The following FTO variants were observed in gnomAD, a reference collection of about 807,000 sequenced individuals.
FTO encodes the protein FTO alpha-ketoglutarate dependent dioxygenase.
Under a neutral mutation model 63.9 loss-of-function variants are expected in FTO, and 47 were observed. The ratio of observed to expected loss-of-function variants is 0.74; its 90% CI spans 0.58 to 0.94. The LOEUF (loss-of-function observed/expected upper bound fraction) is 0.94, where lower values mean the gene tolerates loss of function less well. Ranked by LOEUF, FTO falls within the 40% of genes least tolerant of loss-of-function variation. The pLI is 0.00. For missense variants in FTO, 562 were observed against 618.1 expected (o/e 0.91, Z 0.96); for synonymous variants, 207 against 224.4 (o/e 0.92, Z 0.69).
At chr16:53,780,636 C>T (rs1399757061) in intron 1 of FTO, among the ~76,000 whole-genome samples, 1 of 152,062 alleles carries the variant, frequency 6.6e-6, no homozygotes, top group African/African-American at 2.4e-5. Context: ...TCCCAAAGTG[C>T]TAGGATTACA....
chr16:53,891,403 G>A (rs2081147195), intron 7 of FTO, among the ~76,000 whole-genome samples: 1 of 150,094 alleles, frequency 6.7e-6, no homozygotes, highest in Admixed American at 6.6e-5. Context: ...GCTAATGCCT[G>A]TCTTCTCAGC....
At chr16:53,822,276 T>G (rs2078887014) in intron 2 of FTO, among the ~76,000 whole-genome samples, 3 of 152,222 alleles carry the variant, frequency 2.0e-5, no homozygotes, top group Non-Finnish European at 4.4e-5. Context: ...CTGCCTACTA[T>G]TATTACATTT....
chr16:53,889,623 G>A (rs911167729), intron 7 of FTO, among the ~76,000 whole-genome samples: 1 of 152,144 alleles, frequency 6.6e-6, no homozygotes, highest in Non-Finnish European at 1.5e-5. Flanking sequence ...TGGTGAAATG[G>A]CAGATGTGGT....
chr16:53,739,417 T>C (rs1274245254), intron 1 of FTO, among the ~76,000 whole-genome samples: 1 of 150,876 alleles, frequency 6.6e-6, no homozygotes, highest in Non-Finnish European at 1.5e-5. Flanking sequence ...GGTTTTACCG[T>C]GTTAGCCAGG....
chr16:54,099,501 T>G (rs1173071438), intron 8 of FTO, among the ~76,000 whole-genome samples: 1 of 152,140 alleles, frequency 6.6e-6, no homozygotes, highest in African/African-American at 2.4e-5. Context: ...ATCGTCCAGC[T>G]CATTTGACCT....
chr16:54,092,066 C>T (rs2086396249), intron 8 of FTO, among the ~76,000 whole-genome samples: 1 of 152,166 alleles, frequency 6.6e-6, no homozygotes, highest in Non-Finnish European at 1.5e-5. Flanking sequence ...CCCTTGAGGC[C>T]AGGAGTTTGG....
rs2079559055 is a variant in FTO at position 53,844,315 on chromosome 16, C to A, written c.895+17C>A. 2 of 1,598,228 alleles carry A rather than the reference C, an allele frequency of 1.3e-6. No individual in the cohort carries two copies. The highest frequency in any genetic ancestry group is 1.3e-5 in the African/African-American group (1 of 74,682). ...TCATGCTTGGTAATCTTTGGAAAAT[C>A]AAAATTATATTGAAACTCTAGTGTC... On this transcript the variant is annotated intron_variant, in intron 4 of 8. Coordinates refer to ENST00000471389, the MANE Select transcript of FTO (RefSeq NM_001080432.3).
intron 7 of FTO, among the ~76,000 whole-genome samples, chr16:53,933,713 T>C (rs950673949): frequency 2.6e-5 from 4 of 152,088 alleles, no homozygotes; most frequent in Admixed American, 6.5e-5. Flanking sequence ...AAAAAAATCG[T>C]TGGTGTGCTG....
chr16:54,051,072 A>G (rs2085300683), intron 8 of FTO, among the ~76,000 whole-genome samples: 1 of 152,224 alleles, frequency 6.6e-6, no homozygotes, highest in Non-Finnish European at 1.5e-5. Context: ...CGTTATCCAT[A>G]ATGTTGACAT....
At chr16:53,846,380 A>G (rs1221404046) in intron 4 of FTO, among the ~76,000 whole-genome samples, 1 of 152,110 alleles carries the variant, frequency 6.6e-6, no homozygotes, top group Non-Finnish European at 1.5e-5. Context: ...GTCTTAATAG[A>G]TGTTAGTATC....
intron 8 of FTO, among the ~76,000 whole-genome samples, chr16:54,095,440 CT>C (rs144637373): frequency 1.6e-3 from 233 of 146,718 alleles, no homozygotes; most frequent in Admixed American, 1.6e-3. Context: ...TCTATTCACT[CT>C]TTTTTTTTTT....
intron 8 of FTO, among the ~76,000 whole-genome samples, chr16:53,950,645 G>A (rs946398482): frequency 2.6e-5 from 4 of 152,172 alleles, no homozygotes; most frequent in Admixed American, 2.6e-4. Context: ...GTGCCCAGAA[G>A]AACTAATAGT....
chr16:53,961,790 G>A (rs971283557), intron 8 of FTO, among the ~76,000 whole-genome samples: 6 of 152,292 alleles, frequency 3.9e-5, no homozygotes, highest in Admixed American at 1.3e-4. Flanking sequence ...AGTGATTTGC[G>A]CTAGTCTGGC....
chr16:53,757,176 G>T (rs1180145993), intron 1 of FTO, among the ~76,000 whole-genome samples: 1 of 152,066 alleles, frequency 6.6e-6, no homozygotes, highest in African/African-American at 2.4e-5. Context: ...TTGTAGAATG[G>T]CTAGATCAAC....
intron 1 of FTO, among the ~76,000 whole-genome samples, chr16:53,793,666 C>T (rs549503637): frequency 4.6e-5 from 7 of 152,260 alleles, no homozygotes; most frequent in Middle Eastern, 3.4e-3. Context: ...GAAAGGTGCT[C>T]ATAATAGAAT....
At chr16:53,987,610 A>G (rs1374411402) in intron 8 of FTO, among the ~76,000 whole-genome samples, 1 of 151,626 alleles carries the variant, frequency 6.6e-6, no homozygotes, top group Non-Finnish European at 1.5e-5. Context: ...AAAGAAAAGA[A>G]AAATGACAGT....
intron 1 of FTO, among the ~76,000 whole-genome samples, chr16:53,807,543 A>G (rs992084873): frequency 3.9e-5 from 6 of 152,268 alleles, no homozygotes; most frequent in African/African-American, 1.4e-4. Context: ...TAGGTGGAGT[A>G]TGTAATTACT....
At chr16:53,719,630 CTGTT>C (rs1209470774) in intron 1 of FTO, among the ~76,000 whole-genome samples, 12 of 118,116 alleles carry the variant, frequency 1.0e-4, no homozygotes, top group Admixed American at 9.6e-4. Flanking sequence ...TGCTGGTAGT[CTGTT>C]TTTTTTTTTT....
At chr16:54,045,192 C>T (rs1279257154) in intron 8 of FTO, among the ~76,000 whole-genome samples, 2 of 26,948 alleles carry the variant, frequency 7.4e-5, no homozygotes, top group East Asian at 3.1e-3. Flanking sequence ...AAAGGATCAA[C>T]AAAATTGATA....
Sources: gnomAD v4.1 joint callset for allele counts (sites outside exome capture counted in the v4.1 genomes callset) on GRCh38, gnomAD v4.1.1 for gene constraint, MANE v1.5 for transcripts, NCBI Gene and HGNC (gene_info 2026-07-23, HGNC 2026-07-21) for gene names.